Variants in RYK observed in about 807,000 individuals in gnomAD.
RYK encodes the protein receptor like tyrosine kinase, also known as inactive tyrosine-protein kinase RYK.
A neutral mutation model predicts 70.2 loss-of-function variants in RYK; 21 were observed. That is an observed-to-expected ratio of 0.30 (90% confidence interval 0.21 to 0.43). The LOEUF (loss-of-function observed/expected upper bound fraction) is 0.43. Among genes scored for constraint, RYK ranks in the 20% least tolerant of loss-of-function variants. The probability of loss-of-function intolerance (pLI) is 1.00; values close to 1 mark genes in which losing one functional copy is unlikely to be tolerated. For missense variants in RYK, 604 were observed against 753.3 expected, an observed-to-expected ratio of 0.80 and a Z score of 2.32; for synonymous variants, 267 against 278.0, an observed-to-expected ratio of 0.96 and a Z score of 0.39.
chr3:134,208,487 G>A (rs913454077), intron 4 of RYK, among the ~76,000 whole-genome samples: 11 of 152,262 alleles, frequency 7.2e-5, no homozygotes, highest in African/African-American at 2.4e-4. Context: ...ATGGAAGTTG[G>A]TATATAACTG....
chr3:134,177,366 CA>C (rs1203010337), intron 11 of RYK, among the ~76,000 whole-genome samples: 2 of 143,676 alleles, frequency 1.4e-5, no homozygotes, highest in Non-Finnish European at 3.1e-5. Context: ...AATGGGACAA[CA>C]AGATACAGCT....
intron 5 of RYK, among the ~76,000 whole-genome samples, 166 bp from the exon 6 acceptor site, chr3:134,203,040 G>A (rs527282222): frequency 4.6e-5 from 7 of 152,190 alleles, no homozygotes; most frequent in Non-Finnish European, 1.0e-4. Flanking sequence ...TGATGTTTTT[G>A]TTGTAGTTTA....
chr3:134,184,563 T>A (rs2013401946), intron 9 of RYK, among the ~76,000 whole-genome samples: 1 of 152,226 alleles, frequency 6.6e-6, no homozygotes, highest in Admixed American at 6.5e-5. Context: ...GAGCTCAAGA[T>A]CAGCCTGAGC....
chr3:134,187,152 A>G (rs2013491362), intron 9 of RYK, among the ~76,000 whole-genome samples: 1 of 152,214 alleles, frequency 6.6e-6, no homozygotes, highest in Non-Finnish European at 1.5e-5. Flanking sequence ...AGAAAATATT[A>G]AAGAGGTGTG....
intron 13 of RYK, among the ~76,000 whole-genome samples, chr3:134,169,288 A>C (rs1280372895): frequency 6.6e-6 from 1 of 152,224 alleles, no homozygotes; most frequent in Non-Finnish European, 1.5e-5. Context: ...TACATTTAGT[A>C]ATCTCCTAAT....
In RYK at chr3:134,209,848, A is replaced by C; in HGVS notation, c.455-19T>G. On this transcript the variant is annotated intron_variant, in intron 3 of 14. Transcript: ENST00000623711. ...CGAAACACTGTTTAAAAAAGATAAGAAAAATATTTTACATTTTCTAAAAAT... is the reference window on the plus strand; with the variant it reads ...CGAAACACTGTTTAAAAAAGATAAGCAAAATATTTTACATTTTCTAAAAAT... 6.9e-7 allele frequency: 1 copy of C among 1,443,392 alleles called. No homozygotes were observed. The allele number at this position is 1,443,392 out of a possible 1,614,324, so 89.4% of individuals were successfully genotyped here. A position where few individuals can be genotyped will look rare whatever the true frequency, so the allele number is the denominator to read the frequency against.
intron 1 of RYK, among the ~76,000 whole-genome samples, chr3:134,230,982 C>G (rs892066703): frequency 6.6e-6 from 1 of 151,942 alleles, no homozygotes; most frequent in Admixed American, 6.6e-5. Context: ...TCACCAACTT[C>G]CATATTTAAA....
At chr3:134,174,745 G>A (rs558569556) in intron 13 of RYK, among the ~76,000 whole-genome samples, 1 of 152,124 alleles carries the variant, frequency 6.6e-6, no homozygotes, top group East Asian at 1.9e-4. Flanking sequence ...ATATGAACAA[G>A]TGAACGTGGC....
intron 1 of RYK, among the ~76,000 whole-genome samples, chr3:134,226,462 T>C (rs2014913984): frequency 1.3e-5 from 2 of 152,048 alleles, no homozygotes; most frequent in African/African-American, 2.4e-5. Flanking sequence ...TATCAGAAAA[T>C]AGTTGAAGAG....
chr3:134,170,210 C>T (rs1297871839), intron 13 of RYK, among the ~76,000 whole-genome samples: 1 of 152,044 alleles, frequency 6.6e-6, no homozygotes, highest in African/African-American at 2.4e-5. Context: ...TTATAATAAG[C>T]TACAAAAGAA....
At chr3:134,209,588 A>G in intron 4 of RYK, 107 bp downstream of exon 4, 1 of 807,294 alleles carries the variant, frequency 1.2e-6, no homozygotes, top group Middle Eastern at 3.8e-4. Context: ...CTCACTTGCA[A>G]CTATAATCAT....
chr3:134,231,224 C>A (rs995798757), intron 1 of RYK, among the ~76,000 whole-genome samples: 14 of 151,122 alleles, frequency 9.3e-5, no homozygotes, highest in Admixed American at 2.0e-4. Context: ...AAAATGCAGG[C>A]ACGTCCTCAA....
chr3:134,176,389 T>TC (rs1039726300), intron 11 of RYK, among the ~76,000 whole-genome samples: 2 of 152,206 alleles, frequency 1.3e-5, no homozygotes, highest in African/African-American at 4.8e-5. Context: ...AATCTTTTTT[T>TC]CCCCCAAACA....
chr3:134,172,458 ACAATTCAGAATTTCTGAATAAAGATTTGG>A (rs1394170187), intron 13 of RYK, among the ~76,000 whole-genome samples: 1 of 152,254 alleles, frequency 6.6e-6, no homozygotes, highest in Non-Finnish European at 1.5e-5. Flanking sequence ...AGTTCCAGCT[ACAATTCAGAATTTCTGAATAAAGATTTGG>A]CAACTCTAAA....
At chr3:134,233,934 A>C (rs1297742859) in intron 1 of RYK, among the ~76,000 whole-genome samples, 1 of 152,202 alleles carries the variant, frequency 6.6e-6, no homozygotes, top group East Asian at 1.9e-4. Context: ...ACAGGTATTC[A>C]ATAAACATCC....
At chr3:134,177,868 G>T in intron 11 of RYK, 73 bp downstream of exon 11, 1 of 1,287,536 alleles carries the variant, frequency 7.8e-7, no homozygotes, top group Non-Finnish European at 1.1e-6. Context: ...ATTTAAGAAT[G>T]TTAATATCTA....
chr3:134,161,158 C>T (rs554599304), intron 13 of RYK, among the ~76,000 whole-genome samples: 29 of 152,190 alleles, frequency 1.9e-4, no homozygotes, highest in East Asian at 1.9e-4. Context: ...AACAATATAT[C>T]GTGGGGTTTA....
intron 1 of RYK, among the ~76,000 whole-genome samples, chr3:134,240,847 T>C (rs1430097397): frequency 6.6e-6 from 1 of 152,246 alleles, no homozygotes; most frequent in Non-Finnish European, 1.5e-5. Context: ...TCTCCTTGCC[T>C]GCAGCTTCTT....
At chr3:134,217,756 T>C (rs2014605297) in intron 2 of RYK, among the ~76,000 whole-genome samples, 1 of 152,184 alleles carries the variant, frequency 6.6e-6, no homozygotes, top group African/African-American at 2.4e-5. Context: ...ACTAAGTGGC[T>C]GGATTGCTCA....
Sources: allele counts gnomAD v4.1 joint callset (sites outside exome capture counted in the v4.1 genomes callset), GRCh38; gene constraint gnomAD v4.1.1; transcripts MANE v1.5; gene names NCBI Gene and HGNC (gene_info 2026-07-23, HGNC 2026-07-21).